Variants in TMTC2 observed in about 807,000 individuals in gnomAD.
TMTC2 encodes protein O-mannosyl-transferase TMTC2.
Under a neutral mutation model 82.4 loss-of-function variants are expected in TMTC2, and 43 were observed. The observed-to-expected ratio is 0.52, with a 90% CI of 0.41 to 0.67. TMTC2 has a LOEUF of 0.67. Ranked by LOEUF, TMTC2 falls within the 30% of genes least tolerant of loss-of-function variation. The pLI, the probability that TMTC2 is intolerant of heterozygous loss-of-function variation, is 0.00. For missense variants in TMTC2, 919 were observed against 1,012.4 expected (o/e 0.91, Z 1.25); for synonymous variants, 408 against 381.9 (o/e 1.07, Z -0.80).
At chr12:82,905,945 C>CAA (rs75917698) in intron 3 of TMTC2, among the ~76,000 whole-genome samples, 10 of 95,598 alleles carry the variant, frequency 1.0e-4, no homozygotes, top group African/African-American at 2.6e-4. Flanking sequence ...AACTCTGTCT[C>CAA]AAAAAAAAAA....
At chr12:82,913,513 A>C (rs1371781422) in intron 3 of TMTC2, among the ~76,000 whole-genome samples, 2 of 152,144 alleles carry the variant, frequency 1.3e-5, no homozygotes, top group African/African-American at 4.8e-5. Flanking sequence ...CATGTCAATA[A>C]TCTGACAAGA....
chr12:82,737,811 T>C (rs1446545868), intron 1 of TMTC2, among the ~76,000 whole-genome samples: 1 of 152,214 alleles, frequency 6.6e-6, no homozygotes, highest in African/African-American at 2.4e-5. Flanking sequence ...TACATGCTTT[T>C]AAAAAGGAGA....
At chr12:82,992,020 ACT>A (rs1477398692) in intron 8 of TMTC2, among the ~76,000 whole-genome samples, 1 of 152,096 alleles carries the variant, frequency 6.6e-6, no homozygotes, top group Non-Finnish European at 1.5e-5. Flanking sequence ...GATATTGGAG[ACT>A]CTGACAGTAA....
intron 1 of TMTC2, among the ~76,000 whole-genome samples, chr12:82,817,007 G>A (rs1259132435): frequency 6.2e-5 from 9 of 145,356 alleles, no homozygotes; most frequent in Admixed American, 7.0e-5. Flanking sequence ...CACTCTTGTC[G>A]CCCAGGCTGG....
chr12:83,032,487 C>T lies in TMTC2; in HGVS notation c.2152+1608C>T, dbSNP rs116301090. Among the ~76,000 whole-genome samples the T allele has an allele frequency of 9.0e-3, 1,367 of 151,332 alleles. 19 individuals are homozygous for T. Among genetic ancestry groups the T allele is most frequent in the African/African-American group, 0.032 (1,314 of 41,322 alleles). On this transcript the variant is annotated intron_variant, in intron 9 of 11. Coordinates refer to ENST00000321196, the MANE Select transcript of TMTC2 (RefSeq NM_152588.3). ...TATTTTTTTCCAGTGGTGATAGTAG[C>T]GGGTATTTCTCCCATGAAAAATTTT... is the stretch of plus-strand genomic sequence containing the variant.
At chr12:82,691,640 G>A (rs1872582960) in intron 1 of TMTC2, among the ~76,000 whole-genome samples, 1 of 151,948 alleles carries the variant, frequency 6.6e-6, no homozygotes, top group Non-Finnish European at 1.5e-5. Context: ...GGTATGATAG[G>A]AATCCCTCGT....
intron 1 of TMTC2, among the ~76,000 whole-genome samples, chr12:82,766,676 C>G (rs1412693056): frequency 6.6e-6 from 1 of 152,182 alleles, no homozygotes; most frequent in East Asian, 1.9e-4. Context: ...GATTACTGTC[C>G]CTGTATACCA....
At chr12:82,917,878 G>T (rs2137222295) in intron 3 of TMTC2, among the ~76,000 whole-genome samples, 1 of 151,042 alleles carries the variant, frequency 6.6e-6, no homozygotes, top group South Asian at 2.1e-4. Flanking sequence ...TGGGATTACA[G>T]GCGTGAGCCA....
At chr12:82,941,880 A>G (rs2707753) in intron 4 of TMTC2, among the ~76,000 whole-genome samples, 138,843 of 152,164 alleles carry the variant, frequency 0.91, 63,479 homozygotes, top group East Asian at 1. Flanking sequence ...CTGAGTAGCC[A>G]GGATTACAGA....
At chr12:83,061,298 A>G (rs1311499524) in intron 10 of TMTC2, among the ~76,000 whole-genome samples, 2 of 151,830 alleles carry the variant, frequency 1.3e-5, no homozygotes, top group African/African-American at 4.8e-5. Context: ...AAACATGGAA[A>G]GTTCCCTCCA....
chr12:83,032,090 G>T lies in TMTC2; in HGVS notation c.2152+1211G>T, dbSNP rs566687321. Among the ~76,000 whole-genome samples the T allele has an allele frequency of 1.1e-3, 173 of 151,662 alleles. 1 individual carries two copies. Among genetic ancestry groups the T allele is most frequent in the African/African-American group, 4.0e-3 (166 of 41,358 alleles). ...GGTACCTCAACTGTCCATGAATGTC[G>T]TTCCATGGTGATTTTCCCTGAGTGC... On this transcript the variant is annotated intron_variant, in intron 9 of 11. Coordinates refer to ENST00000321196, the MANE Select transcript of TMTC2 (RefSeq NM_152588.3).
intron 11 of TMTC2, among the ~76,000 whole-genome samples, chr12:83,119,421 G>A (rs1884874982): frequency 6.6e-6 from 1 of 152,082 alleles, no homozygotes; most frequent in Non-Finnish European, 1.5e-5. Context: ...TTCAGGATCA[G>A]GTTATTTAAT....
chr12:82,819,294 C>T lies in TMTC2; in HGVS notation c.84-37716C>T, dbSNP rs143553148. ...AAGATAATTTTTTGTTACTTCAACT[C>T]GAATTGCTCTTATAATGTTAACTTT... On this transcript the variant is annotated intron_variant, in intron 1 of 11. Transcript: ENST00000321196. Among the ~76,000 whole-genome samples, 893 of 152,016 alleles carry T rather than the reference C, an allele frequency of 5.9e-3. 13 individuals are homozygous for T. The highest frequency in any genetic ancestry group is 0.02 in the African/African-American group (842 of 41,496).
chr12:82,795,149 A>G (rs577378614), intron 1 of TMTC2, among the ~76,000 whole-genome samples: 26 of 151,922 alleles, frequency 1.7e-4, no homozygotes, highest in African/African-American at 5.8e-4. Flanking sequence ...TACTAAAAAT[A>G]CAAAAATTAG....
At chr12:83,069,633 C>T (rs1175910655) in intron 11 of TMTC2, among the ~76,000 whole-genome samples, 1 of 152,154 alleles carries the variant, frequency 6.6e-6, no homozygotes, top group Non-Finnish European at 1.5e-5. Context: ...TTTTCTCCCA[C>T]TCTGTGGATC....
At chr12:83,118,114 A>G (rs1592504759) in intron 11 of TMTC2, among the ~76,000 whole-genome samples, 1 of 152,112 alleles carries the variant, frequency 6.6e-6, no homozygotes. Flanking sequence ...TCATCAGCAA[A>G]CAGTGACAGT....
intron 7 of TMTC2, among the ~76,000 whole-genome samples, chr12:82,985,483 C>T (rs114936251): frequency 0.018 from 2,749 of 152,212 alleles, 80 homozygotes; most frequent in African/African-American, 0.061. Context: ...TGGATAGGAT[C>T]TCACACTTTT....
At chr12:82,998,467 C>A (rs903867485) in intron 8 of TMTC2, among the ~76,000 whole-genome samples, 1 of 152,034 alleles carries the variant, frequency 6.6e-6, no homozygotes, top group African/African-American at 2.4e-5. Flanking sequence ...ACAAAAACAA[C>A]TTTTTTTCAT....
intron 1 of TMTC2, among the ~76,000 whole-genome samples, chr12:82,807,979 T>G (rs1879318070): frequency 6.6e-6 from 1 of 151,944 alleles, no homozygotes; most frequent in Non-Finnish European, 1.5e-5. Flanking sequence ...ATTTTTAGGT[T>G]TTATTTGAGA....
Sources: gnomAD v4.1 joint callset for allele counts (sites outside exome capture counted in the v4.1 genomes callset) on GRCh38, gnomAD v4.1.1 for gene constraint, MANE v1.5 for transcripts, NCBI Gene and HGNC (gene_info 2026-07-23, HGNC 2026-07-21) for gene names.